The following ADARB2 variants were observed in gnomAD, a reference collection of about 807,000 sequenced individuals.
The protein encoded by ADARB2 is adenosine deaminase RNA specific B2 (inactive), also known as inactive double-stranded RNA-specific editase B2.
Under a neutral mutation model 62.2 loss-of-function variants are expected in ADARB2, and 25 were observed. That is an observed-to-expected ratio of 0.40 (90% CI 0.29 to 0.56). The LOEUF (loss-of-function observed/expected upper bound fraction) is 0.56, where lower values mean the gene tolerates loss of function less well. Ranked by LOEUF, ADARB2 falls within the 20% of genes least tolerant of loss-of-function variation. The pLI is 0.43. For synonymous variants in ADARB2, 572 were observed against 500.8 expected, an observed-to-expected ratio of 1.14 and a Z score of -1.90; for missense variants, 1,071 against 1,077.4, an observed-to-expected ratio of 0.99 and a Z score of 0.08.
At chr10:1,342,978 T>A (rs972288181) in intron 3 of ADARB2, among the ~76,000 whole-genome samples, 1 of 152,174 alleles carries the variant, frequency 6.6e-6, no homozygotes, top group Non-Finnish European at 1.5e-5. Context: ...ACTTGTATGA[T>A]AAAAAATGCT....
At chr10:1,492,686 G>A (rs1381220648) in intron 1 of ADARB2, among the ~76,000 whole-genome samples, 1 of 152,084 alleles carries the variant, frequency 6.6e-6, no homozygotes, top group Middle Eastern at 3.2e-3. Context: ...AAGGAGGGAG[G>A]CAGGGATGCA....
chr10:1,579,218 G>A (rs1419781626), intron 1 of ADARB2, among the ~76,000 whole-genome samples: 1 of 152,170 alleles, frequency 6.6e-6, no homozygotes, highest in Non-Finnish European at 1.5e-5. Flanking sequence ...TCACCTGTTC[G>A]AGGGCAAATA....
intron 1 of ADARB2, among the ~76,000 whole-genome samples, chr10:1,419,242 C>G (rs533389843): frequency 6.6e-6 from 1 of 152,058 alleles, no homozygotes; most frequent in Non-Finnish European, 1.5e-5. Flanking sequence ...TACAGGCACC[C>G]GCCACCACGC....
At chr10:1,328,704 T>A (rs11597169) in intron 3 of ADARB2, among the ~76,000 whole-genome samples, 60,246 of 151,948 alleles carry the variant, frequency 0.4, 14,284 homozygotes, top group South Asian at 0.62. Context: ...CAAGAAGCAG[T>A]ACAAGGCCAA....
At chr10:1,725,829 C>T (rs941254159) in intron 1 of ADARB2, among the ~76,000 whole-genome samples, 1 of 152,200 alleles carries the variant, frequency 6.6e-6, no homozygotes, top group African/African-American at 2.4e-5. Context: ...TCAGCTCATC[C>T]CGAACCGAAG....
At chr10:1,639,675 C>A (rs1241817977) in intron 1 of ADARB2, among the ~76,000 whole-genome samples, 1 of 152,136 alleles carries the variant, frequency 6.6e-6, no homozygotes, top group African/African-American at 2.4e-5. Flanking sequence ...AAACCTGTCT[C>A]TACTAAAATA....
intron 1 of ADARB2, among the ~76,000 whole-genome samples, chr10:1,690,026 G>A (rs960778392): frequency 6.6e-6 from 1 of 152,164 alleles, no homozygotes; most frequent in African/African-American, 2.4e-5. Flanking sequence ...TGCCAAGACT[G>A]CTCACCGAAG....
intron 7 of ADARB2, among the ~76,000 whole-genome samples, chr10:1,208,965 G>T (rs1159411276): frequency 6.6e-6 from 1 of 152,190 alleles, no homozygotes; most frequent in Non-Finnish European, 1.5e-5. Flanking sequence ...GTGGGGTGGG[G>T]GTTCTGCCCA....
intron 1 of ADARB2, among the ~76,000 whole-genome samples, chr10:1,719,858 G>T (rs1835067256): frequency 6.6e-6 from 1 of 152,220 alleles, no homozygotes. Flanking sequence ...TCTCATACCA[G>T]TCAGAATGGC....
intron 1 of ADARB2, among the ~76,000 whole-genome samples, chr10:1,567,731 CTCTTCCTCACCACTA>C (rs370902064): frequency 8.7e-4 from 132 of 152,334 alleles, no homozygotes; most frequent in African/African-American, 3.1e-3. Flanking sequence ...CTTTTATCCT[CTCTTCCTCACCACTA>C]TCTTCCTCAC....
chr10:1,202,836 C>T (rs1009562784), intron 7 of ADARB2, among the ~76,000 whole-genome samples: 3 of 152,202 alleles, frequency 2.0e-5, no homozygotes, highest in African/African-American at 7.2e-5. Flanking sequence ...GAGACGCCTC[C>T]GTGTTAGAGG....
chr10:1,259,893 A>T (rs891889840), intron 4 of ADARB2, among the ~76,000 whole-genome samples: 1 of 152,218 alleles, frequency 6.6e-6, no homozygotes, highest in Non-Finnish European at 1.5e-5. Flanking sequence ...TTGATGCAAA[A>T]ATCCTCAATA....
At position 1,398,542 on chromosome 10, in the gene ADARB2, T is replaced by G. The variant is rs536627436; in HGVS notation, c.101-19382A>C. 6.6e-6 allele frequency among the ~76,000 whole-genome samples: 1 copy of G among 152,314 alleles called. No homozygotes were observed. ...CCCTAACCCCAGTTCCAGATAAACC[T>G]TCTGTTTTTCCTAAAACTGTCAGAA... On this transcript the variant is annotated intron_variant, in intron 1 of 9. Transcript: ENST00000381312. The surrounding 1 kb of genome is among the most constrained non-coding windows in gnomAD (Gnocchi z 4.1).
At chr10:1,551,521 T>C (rs1010310868) in intron 1 of ADARB2, among the ~76,000 whole-genome samples, 6 of 152,218 alleles carry the variant, frequency 3.9e-5, no homozygotes, top group Non-Finnish European at 7.3e-5. Context: ...TTTCCCTTCC[T>C]GGGCGGCTGT....
intron 1 of ADARB2, among the ~76,000 whole-genome samples, chr10:1,535,308 C>A (rs115056448): frequency 1.3e-5 from 2 of 152,198 alleles, no homozygotes; most frequent in East Asian, 3.9e-4. Context: ...AATCTTCAGA[C>A]GAGAGTCAGT....
At chr10:1,266,427 T>C (rs1187936618) in intron 4 of ADARB2, among the ~76,000 whole-genome samples, 2 of 138,482 alleles carry the variant, frequency 1.4e-5, no homozygotes, top group African/African-American at 5.6e-5. Flanking sequence ...AAAGATGGAG[T>C]CCCACCCTAC....
chr10:1,517,314 C>T (rs1832019160), intron 1 of ADARB2, among the ~76,000 whole-genome samples: 1 of 152,132 alleles, frequency 6.6e-6, no homozygotes, highest in Non-Finnish European at 1.5e-5. Flanking sequence ...GCACATATTT[C>T]TTGTCCTTCT....
chr10:1,215,120 A>AT (rs770848639), intron 7 of ADARB2, among the ~76,000 whole-genome samples: 1 of 152,026 alleles, frequency 6.6e-6, no homozygotes. Flanking sequence ...GTGTCCCCTG[A>AT]TGTCACCCCC....
intron 1 of ADARB2, among the ~76,000 whole-genome samples, chr10:1,576,182 A>C (rs1197193702): frequency 3.1e-5 from 3 of 96,878 alleles, no homozygotes; most frequent in African/African-American, 8.7e-5. Context: ...GGGTCACAGG[A>C]CAGGTCTCAG....
Sources: gnomAD v4.1 joint callset for allele counts (sites outside exome capture counted in the v4.1 genomes callset) on GRCh38, gnomAD v4.1.1 for gene constraint, Gnocchi (gnomAD v3.1) non-coding constraint, MANE v1.5 for transcripts, NCBI Gene and HGNC (gene_info 2026-07-23, HGNC 2026-07-21) for gene names.